Variants in PARD3 observed in about 807,000 individuals in gnomAD.
PARD3 encodes the protein par-3 family cell polarity regulator, also known as partitioning defective 3 homolog.
PARD3 carries 75 observed loss-of-function variants against 155.4 expected under a neutral mutation model. The observed-to-expected ratio is 0.48, with a 90% CI of 0.40 to 0.58. PARD3 has a LOEUF of 0.58. PARD3 is among the 20% of genes least tolerant of loss of function. The pLI, the probability that PARD3 is intolerant of heterozygous loss-of-function variation, is 0.00. For missense variants in PARD3, 1,642 were observed against 1,721.7 expected, an observed-to-expected ratio of 0.95 and a Z score of 0.82; for synonymous variants, 576 against 610.5, an observed-to-expected ratio of 0.94 and a Z score of 0.83.
intron 1 of PARD3, among the ~76,000 whole-genome samples, chr10:34,696,816 T>C (rs1242849154): frequency 4.0e-5 from 6 of 151,774 alleles, no homozygotes; most frequent in Non-Finnish European, 7.4e-5. Context: ...ACAGCATATA[T>C]TATGTGTCTG....
chr10:34,251,836 C>A (rs1014945845), intron 22 of PARD3, among the ~76,000 whole-genome samples: 2 of 152,170 alleles, frequency 1.3e-5, no homozygotes, highest in Non-Finnish European at 2.9e-5. Context: ...AGTCTTATCA[C>A]ACATACATCC....
intron 22 of PARD3, among the ~76,000 whole-genome samples, chr10:34,175,360 T>C (rs1237852849): frequency 1.4e-4 from 21 of 152,198 alleles, no homozygotes; most frequent in Admixed American, 1.4e-3. Flanking sequence ...TGCTAGTGTG[T>C]GTGTACATGT....
chr10:34,724,674 T>G (rs1173362237), intron 1 of PARD3, among the ~76,000 whole-genome samples: 1 of 152,176 alleles, frequency 6.6e-6, no homozygotes, highest in Admixed American at 6.5e-5. Flanking sequence ...AATATTTTTG[T>G]TTTTACTGTT....
chr10:34,709,583 T>C (rs977234664), intron 1 of PARD3, among the ~76,000 whole-genome samples: 3 of 151,510 alleles, frequency 2.0e-5, no homozygotes, highest in African/African-American at 7.3e-5. Flanking sequence ...AGGTTAGCAG[T>C]AGCAGGAAGC....
chr10:34,791,319 G>A (rs926602548), intron 1 of PARD3, among the ~76,000 whole-genome samples: 1 of 152,044 alleles, frequency 6.6e-6, no homozygotes, highest in East Asian at 1.9e-4. Flanking sequence ...CGTCCCTCTC[G>A]ATGCTCCACC....
chr10:34,360,464 A>G (rs1165520065), intron 12 of PARD3, among the ~76,000 whole-genome samples: 1 of 152,226 alleles, frequency 6.6e-6, no homozygotes, highest in Admixed American at 6.5e-5. Flanking sequence ...TTATGTAGCA[A>G]TTATTCAATA....
chr10:34,204,300 C>T (rs965294442), intron 22 of PARD3, among the ~76,000 whole-genome samples: 2 of 152,158 alleles, frequency 1.3e-5, no homozygotes, highest in East Asian at 3.9e-4. Context: ...TAGTGGCTTA[C>T]ATAAAGGAAA....
chr10:34,536,066 A>C (rs1276345475), intron 2 of PARD3, among the ~76,000 whole-genome samples: 1 of 152,134 alleles, frequency 6.6e-6, no homozygotes, highest in Non-Finnish European at 1.5e-5. Flanking sequence ...AAATAATCCC[A>C]AGTTCTTCAC....
intron 1 of PARD3, among the ~76,000 whole-genome samples, chr10:34,720,477 CT>C (rs2094588572): frequency 7.6e-6 from 1 of 130,852 alleles, no homozygotes; most frequent in African/African-American, 3.1e-5. Context: ...AAAAAAAAGC[CT>C]TGGAAATAAT....
intron 1 of PARD3, among the ~76,000 whole-genome samples, chr10:34,725,026 G>A (rs749159872): frequency 1.3e-5 from 2 of 151,946 alleles, no homozygotes; most frequent in African/African-American, 4.8e-5. Flanking sequence ...CTCTCTGCCC[G>A]TTTCCCTCAT....
intron 4 of PARD3, among the ~76,000 whole-genome samples, chr10:34,461,722 T>C (rs997861263): frequency 7.9e-5 from 12 of 152,220 alleles, no homozygotes; most frequent in Non-Finnish European, 1.6e-4. Context: ...CAATGATACT[T>C]CCTGGTTCTC....
chr10:34,271,664 T>C (rs542219839), intron 21 of PARD3, among the ~76,000 whole-genome samples: 18 of 152,218 alleles, frequency 1.2e-4, no homozygotes, highest in African/African-American at 2.9e-4. Flanking sequence ...CCACTGTAAT[T>C]CCACATAGTG....
chr10:34,483,131 G>T (rs1161087191), intron 3 of PARD3, among the ~76,000 whole-genome samples: 2 of 152,188 alleles, frequency 1.3e-5, no homozygotes, highest in East Asian at 3.9e-4. Flanking sequence ...ACCCCAGCCT[G>T]GGCAAGAAGA....
intron 5 of PARD3, among the ~76,000 whole-genome samples, chr10:34,431,998 C>T (rs1301353770): frequency 6.3e-5 from 8 of 126,534 alleles, no homozygotes; most frequent in African/African-American, 9.5e-5. Context: ...GCCGAGATCA[C>T]GCCACTGCAC....
intron 20 of PARD3, among the ~76,000 whole-genome samples, chr10:34,285,709 T>C (rs1589054372): frequency 2.0e-5 from 3 of 152,344 alleles, no homozygotes; most frequent in African/African-American, 4.8e-5. Flanking sequence ...TGATTTCCAA[T>C]ACTTGTCTAC....
At chr10:34,164,878 A>G (rs1459521652) in intron 22 of PARD3, among the ~76,000 whole-genome samples, 1 of 152,214 alleles carries the variant, frequency 6.6e-6, no homozygotes, top group Non-Finnish European at 1.5e-5. Context: ...TCTGAAGCGC[A>G]CTGACTAAAT....
chr10:34,253,860 A>C (rs370459823), intron 22 of PARD3, among the ~76,000 whole-genome samples: 1 of 152,204 alleles, frequency 6.6e-6, no homozygotes, highest in Non-Finnish European at 1.5e-5. Flanking sequence ...GTTGTCACTC[A>C]TAAGTGGGAC....
chr10:34,323,944 A>G lies in PARD3; in HGVS notation c.2834-6606T>C, dbSNP rs556719248. Among the ~76,000 whole-genome samples the G allele has an allele frequency of 2.6e-5, 4 of 152,358 alleles. No individual in the cohort carries two copies. In the South Asian group the frequency reaches 8.3e-4, roughly 32 times the overall value. ...TGAAGCTGAAGGCTTTTTAAAAACC[A>G]ATTCTGACCGAAAGGGCTGGCTACA... On this transcript the variant is annotated intron_variant, in intron 19 of 24. Coordinates refer to ENST00000374788, the MANE Select transcript of PARD3 (RefSeq NM_001184785.2).
intron 1 of PARD3, among the ~76,000 whole-genome samples, chr10:34,754,853 C>T (rs1012386731): frequency 6.6e-6 from 1 of 152,166 alleles, no homozygotes; most frequent in Non-Finnish European, 1.5e-5. Flanking sequence ...TAACTAATAA[C>T]AGAAAGAGAC....
Sources: gnomAD v4.1 joint callset for allele counts (sites outside exome capture counted in the v4.1 genomes callset) on GRCh38, gnomAD v4.1.1 for gene constraint, MANE v1.5 for transcripts, NCBI Gene and HGNC (gene_info 2026-07-23, HGNC 2026-07-21) for gene names.